Variants in L3MBTL4 observed in about 807,000 individuals in gnomAD.
The protein encoded by L3MBTL4 is lethal(3)malignant brain tumor-like protein 4.
Under a neutral mutation model 84.5 loss-of-function variants are expected in L3MBTL4, and 70 were observed. The ratio of observed to expected loss-of-function variants is 0.83; its 90% CI spans 0.68 to 1.01. L3MBTL4 has a LOEUF of 1.01. L3MBTL4 is among the 50% of genes least tolerant of loss of function. L3MBTL4 has a pLI of 0.00. For missense variants in L3MBTL4, 715 were observed against 754.8 expected, an observed-to-expected ratio of 0.95 and a Z score of 0.62; for synonymous variants, 274 against 259.8, an observed-to-expected ratio of 1.05 and a Z score of -0.52.
rs183891205 is a variant in L3MBTL4 at position 6,309,489 on chromosome 18, T to C, written c.72+2065A>G. Among the ~76,000 whole-genome samples the C allele has an allele frequency of 2.8e-4, 42 of 152,324 alleles. 2 individuals are homozygous for C. In the South Asian group the frequency reaches 5.0e-3, roughly 18 times the overall value. ...ATTTTGTTACTAATGATTGAAAAAA[T>C]TCATTTGCATGGAGATGTCATTAAG... On this transcript the variant is annotated intron_variant, in intron 3 of 18. Transcript: ENST00000317931.
At chr18:6,409,425 G>A (rs2055873431) in intron 1 of L3MBTL4, among the ~76,000 whole-genome samples, 1 of 152,204 alleles carries the variant, frequency 6.6e-6, no homozygotes, top group Admixed American at 6.5e-5. Flanking sequence ...TCAGGAACTT[G>A]GAAGGTCCCA....
chr18:6,332,227 A>G (rs187661307), intron 1 of L3MBTL4, among the ~76,000 whole-genome samples: 1 of 152,334 alleles, frequency 6.6e-6, no homozygotes, highest in East Asian at 1.9e-4. Context: ...GTAAGGATCT[A>G]CTTTGCTGAA....
At chr18:6,183,765 A>G (rs529833520) in intron 12 of L3MBTL4, among the ~76,000 whole-genome samples, 5 of 152,352 alleles carry the variant, frequency 3.3e-5, no homozygotes, top group African/African-American at 9.6e-5. Flanking sequence ...TTAGACAATT[A>G]CAGTAGGCGG....
intron 16 of L3MBTL4, among the ~76,000 whole-genome samples, chr18:6,075,947 T>C (rs2057843432): frequency 6.6e-6 from 1 of 152,186 alleles, no homozygotes; most frequent in Non-Finnish European, 1.5e-5. Flanking sequence ...TAAATACCAC[T>C]GTAAGCCCAA....
intron 1 of L3MBTL4, among the ~76,000 whole-genome samples, chr18:6,361,941 C>A (rs546674842): frequency 1.3e-5 from 2 of 151,850 alleles, no homozygotes; most frequent in East Asian, 3.9e-4. Context: ...CATAGTGAGA[C>A]CCCCATCCCT....
intron 17 of L3MBTL4, among the ~76,000 whole-genome samples, chr18:5,968,685 A>G (rs2052475498): frequency 6.8e-6 from 1 of 146,856 alleles, no homozygotes; most frequent in Non-Finnish European, 1.5e-5. Context: ...TAACAGAGCA[A>G]GACCTTGTCT....
chr18:6,292,208 G>A (rs763449988), intron 4 of L3MBTL4, among the ~76,000 whole-genome samples: 1 of 152,094 alleles, frequency 6.6e-6, no homozygotes, highest in East Asian at 1.9e-4. Context: ...CAATGGCTAC[G>A]ACAGGTTTCA....
At chr18:6,113,430 CTG>C (rs1177631529) in intron 14 of L3MBTL4, among the ~76,000 whole-genome samples, 1 of 126,998 alleles carries the variant, frequency 7.9e-6, no homozygotes, top group East Asian at 2.4e-4. Context: ...GCTCTGTAAA[CTG>C]TGACAGTGTA....
chr18:6,318,432 C>G (rs771770600), intron 1 of L3MBTL4, among the ~76,000 whole-genome samples: 5 of 121,918 alleles, frequency 4.1e-5, no homozygotes, highest in Non-Finnish European at 6.4e-5. Context: ...CAAATGGAAA[C>G]CAAAAGCTAG....
intron 14 of L3MBTL4, among the ~76,000 whole-genome samples, chr18:6,098,180 G>T (rs1410043507): frequency 1.3e-5 from 2 of 152,164 alleles, no homozygotes; most frequent in African/African-American, 4.8e-5. Context: ...GCCCTGTTCT[G>T]CTAAAAGGGT....
At chr18:5,958,227 T>C (rs542308866) in intron 18 of L3MBTL4, among the ~76,000 whole-genome samples, 9 of 152,184 alleles carry the variant, frequency 5.9e-5, no homozygotes, top group African/African-American at 2.2e-4. Flanking sequence ...GTCTCACTGA[T>C]AGAATTACCC....
At chr18:6,234,232 G>T (rs191548371) in intron 10 of L3MBTL4, among the ~76,000 whole-genome samples, 161 of 152,084 alleles carry the variant, frequency 1.1e-3, no homozygotes, top group African/African-American at 3.8e-3. Context: ...AACCTAGGCA[G>T]TACCATTCAG....
intron 1 of L3MBTL4, among the ~76,000 whole-genome samples, chr18:6,394,167 C>T (rs2055175821): frequency 6.6e-6 from 1 of 152,118 alleles, no homozygotes; most frequent in African/African-American, 2.4e-5. Context: ...CATTTAGCAC[C>T]TTTTAAAATG....
intron 15 of L3MBTL4, among the ~76,000 whole-genome samples, chr18:6,088,295 C>T (rs763775172): frequency 2.0e-5 from 3 of 152,150 alleles, no homozygotes; most frequent in Non-Finnish European, 2.9e-5. Context: ...CCATCCTTGG[C>T]ACCTAGTAGG....
chr18:6,238,870 T>A (rs1212681401), intron 9 of L3MBTL4, among the ~76,000 whole-genome samples: 2 of 148,700 alleles, frequency 1.3e-5, no homozygotes, highest in Admixed American at 1.3e-4. Context: ...GGAGAAATGC[T>A]ATAAAAATTA....
intron 16 of L3MBTL4, among the ~76,000 whole-genome samples, chr18:5,982,139 T>C (rs1358834598): frequency 6.6e-6 from 1 of 152,174 alleles, no homozygotes; most frequent in Non-Finnish European, 1.5e-5. Context: ...TTAGCCCCTC[T>C]ATGTTGCGTT....
intron 13 of L3MBTL4, among the ~76,000 whole-genome samples, chr18:6,141,368 A>T (rs1343660796): frequency 6.6e-6 from 1 of 152,128 alleles, no homozygotes; most frequent in Non-Finnish European, 1.5e-5. Context: ...TACCAACTGC[A>T]TGCTACAGAT....
chr18:6,309,193 C>G (rs1372642854), intron 3 of L3MBTL4, among the ~76,000 whole-genome samples: 1 of 152,116 alleles, frequency 6.6e-6, no homozygotes, highest in African/African-American at 2.4e-5. Context: ...AAGGATGTTA[C>G]CAATATTTCA....
At chr18:6,126,225 T>C (rs2059690009) in intron 14 of L3MBTL4, among the ~76,000 whole-genome samples, 1 of 152,248 alleles carries the variant, frequency 6.6e-6, no homozygotes, top group Non-Finnish European at 1.5e-5. Context: ...AAATGCTTCT[T>C]TATATTGTCT....
Sources: gnomAD v4.1 joint callset for allele counts (sites outside exome capture counted in the v4.1 genomes callset) on GRCh38, gnomAD v4.1.1 for gene constraint, MANE v1.5 for transcripts, NCBI Gene and HGNC (gene_info 2026-07-23, HGNC 2026-07-21) for gene names.